TCF4: variants seen among roughly 807,000 people sequenced by gnomAD.
The protein encoded by TCF4 is transcription factor 4, also known as SL3-3 enhancer factor 2.
Under a neutral mutation model 82.1 loss-of-function variants are expected in TCF4, and 3 were observed. That is an observed-to-expected ratio of 0.04 (90% CI 0.02 to 0.09). The LOEUF (loss-of-function observed/expected upper bound fraction) is 0.09. Ranked by LOEUF, TCF4 falls within the 10% of genes least tolerant of loss-of-function variation. The probability of loss-of-function intolerance (pLI) is 1.00; values close to 1 mark genes in which losing one functional copy is unlikely to be tolerated. For synonymous variants in TCF4, 276 were observed against 309.6 expected, an observed-to-expected ratio of 0.89 and a Z score of 1.14; for missense variants, 518 against 852.7, an observed-to-expected ratio of 0.61 and a Z score of 4.89.
chr18:55,553,685 T>A (rs1213049148), intron 3 of TCF4, among the ~76,000 whole-genome samples: 1 of 152,234 alleles, frequency 6.6e-6, no homozygotes, highest in Non-Finnish European at 1.5e-5. Context: ...ATGAGTAGTA[T>A]GATGTATCAT....
chr18:55,560,311 T>C (rs867378477), intron 3 of TCF4, among the ~76,000 whole-genome samples: 1 of 152,212 alleles, frequency 6.6e-6, no homozygotes, highest in Non-Finnish European at 1.5e-5. Context: ...TATATGAACA[T>C]ACATGAATGA....
intron 17 of TCF4, chr18:55,230,289 G>C (rs1006994258): frequency 7.2e-5 from 11 of 152,204 alleles, no homozygotes; most frequent in Non-Finnish European, 1.6e-4. Context: ...GAGTGTTACA[G>C]TGACAAATTA....
chr18:55,453,880 GTCTC>G lies in TCF4; in HGVS notation c.304+7135_304+7138del, dbSNP rs569901555. ...AAGTATTATTATTATTAGCAATGGGGTCTCTCTCTGTCACCCAGGCTGGAGTGCA... is the reference window on the plus strand; with the variant it reads ...AAGTATTATTATTATTAGCAATGGGGTCTCTGTCACCCAGGCTGGAGTGCA... On this transcript the variant is annotated intron_variant, in intron 5 of 19. Coordinates refer to ENST00000354452, the MANE Select transcript of TCF4 (RefSeq NM_001083962.2). Among the ~76,000 whole-genome samples the G allele has an allele frequency of 2.5e-3, 380 of 151,468 alleles. 1 individual carries two copies. Among genetic ancestry groups the G allele is most frequent in the South Asian group, 7.7e-3 (37 of 4,806 alleles).
chr18:55,532,648 AG>A (rs1281289028), intron 3 of TCF4, among the ~76,000 whole-genome samples: 2 of 152,242 alleles, frequency 1.3e-5, no homozygotes, highest in Non-Finnish European at 2.9e-5. Flanking sequence ...AGGCAGTTCT[AG>A]CTTAAAGGAT....
intron 3 of TCF4, among the ~76,000 whole-genome samples, chr18:55,469,056 C>A (rs2096112611): frequency 6.6e-6 from 1 of 152,156 alleles, no homozygotes; most frequent in Non-Finnish European, 1.5e-5. Context: ...TTACCCTAAA[C>A]CAAGATAGAT....
chr18:55,596,222 T>G (rs761492564), intron 2 of TCF4: 5 of 330,510 alleles, frequency 1.5e-5, no homozygotes, highest in South Asian at 1.1e-4. Flanking sequence ...AGAATGAGAC[T>G]CCATCTGGAA....
chr18:55,288,639 T>A (rs75389294), intron 8 of TCF4, among the ~76,000 whole-genome samples: 6,423 of 152,308 alleles, frequency 0.042, 180 homozygotes, highest in Non-Finnish European at 0.067. Context: ...TAGGGCTGTT[T>A]TGCCCGTAGA....
At chr18:55,474,858 G>A (rs969403965) in intron 3 of TCF4, among the ~76,000 whole-genome samples, 3 of 151,920 alleles carry the variant, frequency 2.0e-5, no homozygotes, top group Non-Finnish European at 2.9e-5. Context: ...CACCACAGCC[G>A]CAACCTCCTA....
intron 4 of TCF4, 95 bp downstream of exon 4, chr18:55,463,967 TGTGTGTGTGTGAGA>T (rs2144886229): frequency 4.8e-6 from 4 of 833,780 alleles, no homozygotes; most frequent in South Asian, 1.4e-5. Context: ...TGTGTGTGTG[TGTGTGTGTGTGAGA>T]GAGAGAGAGA....
At chr18:55,513,368 GC>G (rs1202155304) in intron 3 of TCF4, among the ~76,000 whole-genome samples, 4 of 57,876 alleles carry the variant, frequency 6.9e-5, no homozygotes, top group African/African-American at 1.8e-4. Context: ...CTAGCCCTCA[GC>G]TTTTTTTTTT....
intron 5 of TCF4, among the ~76,000 whole-genome samples, chr18:55,415,911 G>A (rs2094509818): frequency 6.6e-6 from 1 of 152,094 alleles, no homozygotes; most frequent in Non-Finnish European, 1.5e-5. Context: ...ATATTTCTGT[G>A]TGTCTTATAC....
At chr18:55,362,693 T>C (rs964870443) in intron 6 of TCF4, among the ~76,000 whole-genome samples, 5 of 152,248 alleles carry the variant, frequency 3.3e-5, no homozygotes, top group African/African-American at 1.2e-4. Flanking sequence ...AGAGTTAGAA[T>C]AGGACTGTGA....
At chr18:55,370,411 T>C (rs1307085723) in intron 6 of TCF4, among the ~76,000 whole-genome samples, 2 of 149,872 alleles carry the variant, frequency 1.3e-5, no homozygotes, top group Admixed American at 6.7e-5. Flanking sequence ...GGTAGGTATG[T>C]AGATAGATAG....
At chr18:55,588,440 A>G, upstream of TCF4, 8 of 1,533,644 alleles carry the variant, frequency 5.2e-6, no homozygotes, top group Non-Finnish European at 7.0e-6. Context: ...CCGCCTCGCC[A>G]AAAAATACAA....
chr18:55,618,068 A>G (rs1216070001), intron 2 of TCF4, among the ~76,000 whole-genome samples: 1 of 152,128 alleles, frequency 6.6e-6, no homozygotes, highest in African/African-American at 2.4e-5. Flanking sequence ...ATTGAGTACA[A>G]TGTTAGCTAT....
At chr18:55,304,488 G>A (rs904187337) in intron 8 of TCF4, among the ~76,000 whole-genome samples, 3 of 151,942 alleles carry the variant, frequency 2.0e-5, no homozygotes, top group African/African-American at 4.8e-5. Flanking sequence ...ATAGACTGAG[G>A]AGATTATATG....
At position 55,228,778 on chromosome 18, in the gene TCF4, G is replaced by A. The variant is rs139096138; in HGVS notation, c.1879+69C>T. 1.8e-4 allele frequency: 272 copies of A among 1,508,398 alleles called. No individual in the cohort carries two copies. The African/African-American group carries it at 2.9e-3, about 16-fold the overall frequency. 93.4% of individuals were successfully genotyped at this position (1,508,398 alleles called of 1,614,324 possible). A position where few individuals can be genotyped will look rare whatever the true frequency, so the allele number is the denominator to read the frequency against. On this transcript the variant is annotated intron_variant, in intron 18 of 19. Transcript: ENST00000354452. ...CTGTCTGCCACTGCTCAAGACTGGC[G>A]TGCCCATCTCAGCTTGTGCCTGCCA...
At chr18:55,395,788 T>C (rs1300062568) in intron 6 of TCF4, among the ~76,000 whole-genome samples, 1 of 152,238 alleles carries the variant, frequency 6.6e-6, no homozygotes, top group Admixed American at 6.5e-5. Flanking sequence ...TATACATTTT[T>C]AAGAAAGTGT....
At chr18:55,351,868 A>C in intron 6 of TCF4, 1 of 909,336 alleles carries the variant, frequency 1.1e-6, no homozygotes, top group South Asian at 5.1e-5. Flanking sequence ...ATATGCAATA[A>C]AACAAGAGTA....
Sources: gnomAD v4.1 joint callset for allele counts (sites outside exome capture counted in the v4.1 genomes callset) on GRCh38, gnomAD v4.1.1 for gene constraint, MANE v1.5 for transcripts, NCBI Gene and HGNC (gene_info 2026-07-23, HGNC 2026-07-21) for gene names.